TACR3: variants seen among roughly 807,000 people sequenced by gnomAD.
TACR3 encodes the protein neuromedin-K receptor.
TACR3 carries 34 observed loss-of-function variants against 35.0 expected under a neutral mutation model. That is an observed-to-expected ratio of 0.97 (90% confidence interval 0.74 to 1.30). The LOEUF (loss-of-function observed/expected upper bound fraction) is 1.30. Ranked by LOEUF, TACR3 falls within the 50% of genes most tolerant of loss-of-function variation. The probability of loss-of-function intolerance (pLI) is 0.00; values close to 1 mark genes in which losing one functional copy is unlikely to be tolerated. For synonymous variants in TACR3, 233 were observed against 221.1 expected (o/e 1.05, Z -0.48); for missense variants, 558 against 591.7 (o/e 0.94, Z 0.59).
In TACR3 at chr4:103,662,590, CA is replaced by C. The variant is rs575613993; in HGVS notation, c.549-4188del. 3.8e-3 allele frequency among the ~76,000 whole-genome samples: 584 copies of C among 152,238 alleles called. 2 individuals are homozygous for C. The highest frequency in any genetic ancestry group is 5.8e-3 in the Admixed American group (89 of 15,292). On this transcript the variant is annotated intron_variant, in intron 1 of 4. Coordinates refer to ENST00000304883, the MANE Select transcript of TACR3 (RefSeq NM_001059.3). ...ATATTGAGGACCCAACACCCAGTAT[CA>C]CAGACCTTATTTGGAAATAGATTCT...
chr4:103,616,929 C>T (rs1724672816), intron 3 of TACR3, among the ~76,000 whole-genome samples: 1 of 152,158 alleles, frequency 6.6e-6, no homozygotes, highest in Non-Finnish European at 1.5e-5. Flanking sequence ...ACCTGGTAAA[C>T]AGAGCAAGAC....
intron 3 of TACR3, among the ~76,000 whole-genome samples, chr4:103,626,020 A>G (rs1234260694): frequency 6.6e-6 from 1 of 152,210 alleles, no homozygotes; most frequent in Non-Finnish European, 1.5e-5. Flanking sequence ...AACCCAGCCT[A>G]CATTTTGATC....
At chr4:103,651,332 T>C (rs1037693587) in intron 3 of TACR3, among the ~76,000 whole-genome samples, 4 of 151,300 alleles carry the variant, frequency 2.6e-5, no homozygotes, top group Admixed American at 2.6e-4. Context: ...TCTTCCGTCT[T>C]CATTTCAAAG....
At chr4:103,590,658 T>C (rs1423423969) in intron 4 of TACR3, among the ~76,000 whole-genome samples, 1 of 152,010 alleles carries the variant, frequency 6.6e-6, no homozygotes, top group Non-Finnish European at 1.5e-5. Flanking sequence ...GAACCCCAAC[T>C]GAGAAGAGAG....
At chr4:103,626,420 A>ATT (rs112962218) in intron 3 of TACR3, among the ~76,000 whole-genome samples, 6 of 150,330 alleles carry the variant, frequency 4.0e-5, no homozygotes, top group African/African-American at 9.9e-5. Flanking sequence ...TATTATTGTT[A>ATT]TTTTTTTTTG....
intron 1 of TACR3, among the ~76,000 whole-genome samples, chr4:103,699,035 A>G (rs1165604654): frequency 2.0e-5 from 3 of 152,198 alleles, no homozygotes; most frequent in Non-Finnish European, 4.4e-5. Flanking sequence ...ATGTGTTCTC[A>G]TAGTTACCAT....
chr4:103,712,099 C>T (rs1249143864), intron 1 of TACR3, among the ~76,000 whole-genome samples: 2 of 152,136 alleles, frequency 1.3e-5, no homozygotes, highest in Admixed American at 6.5e-5. Flanking sequence ...AATGCCATCC[C>T]CATCAAGCTA....
intron 3 of TACR3, among the ~76,000 whole-genome samples, chr4:103,643,039 A>G (rs1220475899): frequency 6.6e-6 from 1 of 151,866 alleles, no homozygotes; most frequent in Non-Finnish European, 1.5e-5. Context: ...GTCTTACTAC[A>G]TTATCACAAT....
intron 1 of TACR3, among the ~76,000 whole-genome samples, chr4:103,688,631 A>G (rs1722315135): frequency 6.6e-6 from 1 of 150,874 alleles, no homozygotes; most frequent in Non-Finnish European, 1.5e-5. Context: ...TTATGCAGCC[A>G]AAAAACACAT....
intron 1 of TACR3, among the ~76,000 whole-genome samples, chr4:103,717,029 C>T (rs543240468): frequency 6.6e-6 from 1 of 152,270 alleles, no homozygotes; most frequent in African/African-American, 2.4e-5. Flanking sequence ...GTGTCAACCT[C>T]AGAAGCGTTT....
intron 3 of TACR3, among the ~76,000 whole-genome samples, chr4:103,632,297 A>G (rs191014052): frequency 6.6e-6 from 1 of 152,292 alleles, no homozygotes; most frequent in African/African-American, 2.4e-5. Context: ...ATGCCCATCA[A>G]TGATAGGCTG....
chr4:103,718,083 G>T (rs1007755807), intron 1 of TACR3, among the ~76,000 whole-genome samples: 1 of 152,036 alleles, frequency 6.6e-6, no homozygotes, highest in Non-Finnish European at 1.5e-5. Context: ...AAACACAGAG[G>T]ATGAACTTAC....
chr4:103,596,199 C>T (rs535983277), intron 3 of TACR3, among the ~76,000 whole-genome samples: 13 of 150,270 alleles, frequency 8.7e-5, no homozygotes, highest in South Asian at 2.1e-4. Flanking sequence ...TGAATAGTGC[C>T]GCAATAAACA....
intron 4 of TACR3, 147 bp downstream of exon 4, chr4:103,591,340 G>T: frequency 1.1e-6 from 1 of 877,014 alleles, no homozygotes; most frequent in Non-Finnish European, 1.9e-6. Context: ...GGTCTTGAAA[G>T]ATAAAGCCTG....
intron 3 of TACR3, among the ~76,000 whole-genome samples, chr4:103,615,599 T>C (rs746120319): frequency 5.3e-5 from 8 of 152,174 alleles, no homozygotes; most frequent in Non-Finnish European, 1.0e-4. Context: ...AGCTTTCCTA[T>C]TAAAAAACTA....
intron 3 of TACR3, among the ~76,000 whole-genome samples, chr4:103,638,247 G>A (rs1349319755): frequency 3.3e-5 from 5 of 151,096 alleles, no homozygotes; most frequent in Admixed American, 3.3e-4. Context: ...CAGAGATATA[G>A]ACCAATGGAA....
intron 3 of TACR3, among the ~76,000 whole-genome samples, chr4:103,626,087 C>T (rs1346411669): frequency 6.6e-6 from 1 of 152,152 alleles, no homozygotes; most frequent in East Asian, 1.9e-4. Flanking sequence ...TTAAGCCACC[C>T]AGTCTGTGAT....
chr4:103,707,369 T>G (rs1383925835), intron 1 of TACR3, among the ~76,000 whole-genome samples: 1 of 152,256 alleles, frequency 6.6e-6, no homozygotes, highest in Non-Finnish European at 1.5e-5. Context: ...TTTACAAATT[T>G]ACTTTGGCAT....
intron 3 of TACR3, among the ~76,000 whole-genome samples, chr4:103,600,788 C>G (rs532274393): frequency 6.6e-6 from 1 of 152,278 alleles, no homozygotes; most frequent in South Asian, 2.1e-4. Flanking sequence ...GTTTCTTAAT[C>G]CTGAGTTCTA....
Sources: gnomAD v4.1 joint callset for allele counts (sites outside exome capture counted in the v4.1 genomes callset) on GRCh38, gnomAD v4.1.1 for gene constraint, MANE v1.5 for transcripts, NCBI Gene and HGNC (gene_info 2026-07-23, HGNC 2026-07-21) for gene names.